CSMD3: variants seen among roughly 807,000 people sequenced by gnomAD.
CSMD3 encodes CUB and sushi domain-containing protein 3.
Under a neutral mutation model 435.2 loss-of-function variants are expected in CSMD3, and 177 were observed. That is an observed-to-expected ratio of 0.41 (90% CI 0.36 to 0.46). CSMD3 has a LOEUF of 0.46. Among genes scored for constraint, CSMD3 ranks in the 20% least tolerant of loss-of-function variants. The pLI, the probability that CSMD3 is intolerant of heterozygous loss-of-function variation, is 0.34. For missense variants in CSMD3, 4,265 were observed against 4,504.6 expected (o/e 0.95, Z 1.52); for synonymous variants, 1,656 against 1,520.5 (o/e 1.09, Z -2.07).
At chr8:112,620,243 G>A (rs1458158984) in intron 22 of CSMD3, among the ~76,000 whole-genome samples, 1 of 152,110 alleles carries the variant, frequency 6.6e-6, no homozygotes, top group Non-Finnish European at 1.5e-5. Flanking sequence ...GAAAAACAAA[G>A]TAGCTTTGAA....
chr8:112,319,749 C>T, intron 46 of CSMD3, 152 bp downstream of exon 46: 2 of 673,034 alleles, frequency 3.0e-6, no homozygotes, highest in Non-Finnish European at 5.4e-6. Context: ...CTTTTCACTC[C>T]TTCTCCCTTC....
chr8:113,279,816 CTTCATTTTGTAAT>C (rs1241081749), intron 2 of CSMD3, among the ~76,000 whole-genome samples: 1 of 151,476 alleles, frequency 6.6e-6, no homozygotes, highest in Non-Finnish European at 1.5e-5. Flanking sequence ...CTTTATAAGA[CTTCATTTTGTAAT>C]TTCATATTTA....
At chr8:113,311,358 A>G (rs1277831514) in intron 2 of CSMD3, 2 of 152,120 alleles carry the variant, frequency 1.3e-5, no homozygotes, top group South Asian at 2.1e-4. Flanking sequence ...TAAAATATGA[A>G]ATTCTGATTA....
chr8:112,499,322 G>A (rs566781647), intron 30 of CSMD3, among the ~76,000 whole-genome samples: 8 of 152,162 alleles, frequency 5.3e-5, no homozygotes, highest in African/African-American at 1.9e-4. Context: ...TATAAACAAA[G>A]TGGTAAAGAT....
chr8:112,910,678 C>T (rs1310439036), intron 10 of CSMD3, among the ~76,000 whole-genome samples: 8 of 151,874 alleles, frequency 5.3e-5, no homozygotes, highest in Non-Finnish European at 8.8e-5. Context: ...CAGTCTCTCA[C>T]ATCTTAAAAA....
intron 25 of CSMD3, among the ~76,000 whole-genome samples, chr8:112,554,309 T>A (rs1827933444): frequency 6.6e-6 from 1 of 151,960 alleles, no homozygotes; most frequent in African/African-American, 2.4e-5. Flanking sequence ...AATATTACCT[T>A]TTATTGCAAC....
intron 1 of CSMD3, among the ~76,000 whole-genome samples, chr8:113,398,310 C>T (rs2094493629): frequency 6.6e-6 from 1 of 151,306 alleles, no homozygotes; most frequent in Non-Finnish European, 1.5e-5. Flanking sequence ...ACCAGTCTTT[C>T]TCCACTGACA....
At chr8:112,925,532 G>A (rs571103960) in intron 9 of CSMD3, among the ~76,000 whole-genome samples, 6 of 150,790 alleles carry the variant, frequency 4.0e-5, no homozygotes, top group South Asian at 2.1e-4. Flanking sequence ...TACTGCACTC[G>A]ACAGAGGGAG....
At chr8:112,493,534 C>G (rs1176638822) in intron 30 of CSMD3, among the ~76,000 whole-genome samples, 1 of 152,082 alleles carries the variant, frequency 6.6e-6, no homozygotes. Context: ...TATCATAGGT[C>G]TCCCATTGTA....
At chr8:112,370,088 T>A (rs76420590) in intron 38 of CSMD3, among the ~76,000 whole-genome samples, 13,827 of 115,592 alleles carry the variant, frequency 0.12, 1,232 homozygotes, top group East Asian at 0.23. Flanking sequence ...GAAGAAGTAG[T>A]AGTAGTAGTA....
chr8:112,681,278 T>C (rs1420026446), intron 16 of CSMD3, among the ~76,000 whole-genome samples: 2 of 151,796 alleles, frequency 1.3e-5, no homozygotes, highest in East Asian at 1.9e-4. Context: ...GGTCTCAATC[T>C]CCTGATCTCG....
chr8:112,919,317 C>T (rs2082665327), intron 10 of CSMD3, among the ~76,000 whole-genome samples: 1 of 151,666 alleles, frequency 6.6e-6, no homozygotes, highest in South Asian at 2.1e-4. Context: ...AAATTCAAGT[C>T]AGTAGAGAGC....
rs1181844414 is a variant in CSMD3, at chr8:113,406,802, A to G, written c.178+29875T>C. Among the ~76,000 whole-genome samples, 5 of 152,078 alleles carry G rather than the reference A, an allele frequency of 3.3e-5. No individual in the cohort carries two copies. The South Asian group carries it at 1.0e-3, about 31-fold the overall frequency. Reference sequence around the variant, plus strand: ...TAGCTGTCATTTATTAAGAGCTTATATTTAGTAAGCTATAATATTTTATCA... The same window carrying G: ...TAGCTGTCATTTATTAAGAGCTTATGTTTAGTAAGCTATAATATTTTATCA... On this transcript the variant is annotated intron_variant, in intron 1 of 70. Transcript: ENST00000297405.
At chr8:112,747,321 A>G (rs1375626467) in intron 13 of CSMD3, among the ~76,000 whole-genome samples, 1 of 150,456 alleles carries the variant, frequency 6.6e-6, no homozygotes, top group Non-Finnish European at 1.5e-5. Flanking sequence ...ATGTGGTTGG[A>G]GAAAAACTTC....
chr8:112,623,120 CTG>C (rs1278842050), intron 22 of CSMD3, among the ~76,000 whole-genome samples: 1 of 152,084 alleles, frequency 6.6e-6, no homozygotes, highest in Non-Finnish European at 1.5e-5. Flanking sequence ...ATTGTAGAAA[CTG>C]TGTCCTTCAA....
chr8:112,986,586 T>C (rs1421434222), intron 6 of CSMD3, among the ~76,000 whole-genome samples: 1 of 152,134 alleles, frequency 6.6e-6, no homozygotes, highest in Non-Finnish European at 1.5e-5. Flanking sequence ...TCGAATGCTC[T>C]AGTCCTATAT....
chr8:113,431,154 T>C (rs555382360), intron 1 of CSMD3, among the ~76,000 whole-genome samples: 1 of 152,344 alleles, frequency 6.6e-6, no homozygotes, highest in East Asian at 1.9e-4. Context: ...ATCACCCACC[T>C]GCTCACTCTG....
At chr8:112,274,123 CTAAG>C (rs1316093916) in intron 59 of CSMD3, among the ~76,000 whole-genome samples, 5 of 150,704 alleles carry the variant, frequency 3.3e-5, no homozygotes, top group Admixed American at 1.3e-4. Flanking sequence ...GAGATATTTT[CTAAG>C]TAAGTAAGAG....
At chr8:112,729,404 T>C (rs895736127) in intron 13 of CSMD3, among the ~76,000 whole-genome samples, 1 of 152,108 alleles carries the variant, frequency 6.6e-6, no homozygotes, top group African/African-American at 2.4e-5. Context: ...CAGCTGATTT[T>C]GAGTGGTCAA....
Sources: gnomAD v4.1 joint callset for allele counts (sites outside exome capture counted in the v4.1 genomes callset) on GRCh38, gnomAD v4.1.1 for gene constraint, MANE v1.5 for transcripts, NCBI Gene and HGNC (gene_info 2026-07-23, HGNC 2026-07-21) for gene names.